Variants in ARSB observed in about 807,000 individuals in gnomAD.
The protein encoded by ARSB is N-acetylgalactosamine-4-sulfatase.
In ARSB, 41 loss-of-function variants were observed where a neutral mutation model predicts 50.9. The ratio of observed to expected loss-of-function variants is 0.81; its 90% CI spans 0.63 to 1.04. ARSB has a LOEUF of 1.04. ARSB is among the 50% of genes least tolerant of loss of function. The probability of loss-of-function intolerance (pLI) is 0.00; values close to 1 mark genes in which losing one functional copy is unlikely to be tolerated. For missense variants in ARSB, 672 were observed against 693.3 expected, an observed-to-expected ratio of 0.97 and a Z score of 0.35; for synonymous variants, 269 against 284.8, an observed-to-expected ratio of 0.94 and a Z score of 0.56.
At chr5:78,787,440 T>G (rs1369668720) in intron 6 of ARSB, among the ~76,000 whole-genome samples, 1 of 152,064 alleles carries the variant, frequency 6.6e-6, no homozygotes, top group South Asian at 2.1e-4. Context: ...GAGGCAGAGG[T>G]TTCTTAGAAT....
intron 3 of ARSB, among the ~76,000 whole-genome samples, chr5:78,960,170 T>A (rs1014423708): frequency 6.6e-6 from 1 of 152,224 alleles, no homozygotes; most frequent in Non-Finnish European, 1.5e-5. Flanking sequence ...AAGTATTACA[T>A]AAAAGCAAGA....
At chr5:78,847,657 T>C (rs1387774534) in intron 5 of ARSB, among the ~76,000 whole-genome samples, 1 of 152,216 alleles carries the variant, frequency 6.6e-6, no homozygotes, top group Non-Finnish European at 1.5e-5. Flanking sequence ...TCTTTAAATG[T>C]TTTGTAGAAT....
intron 6 of ARSB, among the ~76,000 whole-genome samples, chr5:78,825,155 G>A (rs1347972733): frequency 1.3e-5 from 2 of 152,162 alleles, no homozygotes; most frequent in Non-Finnish European, 2.9e-5. Context: ...AAAGCAAGCA[G>A]ATACTGCACA....
At chr5:78,903,581 CT>C (rs1276494416) in intron 4 of ARSB, among the ~76,000 whole-genome samples, 2 of 152,164 alleles carry the variant, frequency 1.3e-5, no homozygotes, top group Non-Finnish European at 2.9e-5. Flanking sequence ...TACTTTTATA[CT>C]GCATTTTTTC....
At chr5:78,942,301 T>TA (rs1293320785) in intron 4 of ARSB, among the ~76,000 whole-genome samples, 2 of 152,236 alleles carry the variant, frequency 1.3e-5, no homozygotes, top group African/African-American at 4.8e-5. Context: ...GCTCTGATCT[T>TA]AGTTATTCCT....
chr5:78,833,869 G>C (rs1387780721), intron 6 of ARSB, among the ~76,000 whole-genome samples: 1 of 152,214 alleles, frequency 6.6e-6, no homozygotes, highest in Non-Finnish European at 1.5e-5. Context: ...CTTAGAAGCT[G>C]AATGAACAGT....
chr5:78,895,573 T>G (rs1748528261), intron 4 of ARSB, among the ~76,000 whole-genome samples: 1 of 152,322 alleles, frequency 6.6e-6, no homozygotes, highest in African/African-American at 2.4e-5. Flanking sequence ...GATAAGCACA[T>G]GAAAACTTTC....
chr5:78,810,723 C>T (rs1743776444), intron 6 of ARSB, among the ~76,000 whole-genome samples: 1 of 152,194 alleles, frequency 6.6e-6, no homozygotes, highest in Non-Finnish European at 1.5e-5. Flanking sequence ...CCACCAAGGA[C>T]TATGTGAGTT....
intron 1 of ARSB, among the ~76,000 whole-genome samples, chr5:78,981,337 T>C (rs1037835214): frequency 1.3e-5 from 2 of 152,220 alleles, no homozygotes; most frequent in African/African-American, 4.8e-5. Flanking sequence ...ACCCAGTCCC[T>C]ACACATATTT....
chr5:78,865,214 C>T (rs1263365668), intron 5 of ARSB, among the ~76,000 whole-genome samples: 2 of 152,206 alleles, frequency 1.3e-5, no homozygotes, highest in Non-Finnish European at 2.9e-5. Flanking sequence ...GCCTGGGCAT[C>T]CAGGCATTTC....
chr5:78,891,845 G>T (rs1173507238), intron 4 of ARSB, among the ~76,000 whole-genome samples: 1 of 147,576 alleles, frequency 6.8e-6, no homozygotes, highest in Non-Finnish European at 1.5e-5. Flanking sequence ...AAACAAAAAG[G>T]TATAGGTCTA....
In ARSB at chr5:78,964,607, C is replaced by T; in HGVS notation, c.500-1G>A. On this transcript the variant is annotated splice_acceptor_variant, in intron 2 of 7. Transcript: ENST00000264914. LOFTEE classifies it high-confidence loss of function. ...TAATCTTCACTACCCAGGAGATATC[C>T]TGCAAGAATGGAAGACGAAAATAGT... The T allele has an allele frequency of 1.9e-6, 3 of 1,612,992 alleles. No homozygotes were observed. Among genetic ancestry groups the T allele is most frequent in the Non-Finnish European group, 2.5e-6 (3 of 1,179,820 alleles).
At chr5:78,870,614 A>G (rs1747095145) in intron 5 of ARSB, among the ~76,000 whole-genome samples, 1 of 151,556 alleles carries the variant, frequency 6.6e-6, no homozygotes. Flanking sequence ...AAATTCAACA[A>G]CACTTCATGT....
intron 4 of ARSB, among the ~76,000 whole-genome samples, chr5:78,905,370 A>AT (rs1465505391): frequency 1.9e-5 from 2 of 105,744 alleles, no homozygotes; most frequent in Admixed American, 2.3e-4. Flanking sequence ...ATAATGAGTA[A>AT]TTTTGGACTG....
At position 78,780,207 on chromosome 5, in the gene ARSB, C is replaced by T. The variant is rs572550609; in HGVS notation, c.*190G>A. On this transcript the variant is annotated 3_prime_UTR_variant, in exon 8 of 8. Transcript: ENST00000264914. Reference sequence around the variant, plus strand: ...ACCTCTAGACACATGCTCCAGCCAACAGCAGGAGTGTTGCAGATTTTATCA... The same window carrying T: ...ACCTCTAGACACATGCTCCAGCCAATAGCAGGAGTGTTGCAGATTTTATCA... 4 of 719,104 alleles carry T rather than the reference C, an allele frequency of 5.6e-6. No individual in the cohort carries two copies. The East Asian group carries it at 8.5e-5, about 15-fold the overall frequency. The allele number at this position is 719,104 out of a possible 1,614,324, so 44.5% of individuals were successfully genotyped here.
At chr5:78,829,735 C>T (rs1266588581) in intron 6 of ARSB, among the ~76,000 whole-genome samples, 41 of 152,170 alleles carry the variant, frequency 2.7e-4, no homozygotes, top group Non-Finnish European at 1.0e-4. Context: ...ACCCTAAAAC[C>T]CCTAAAAATT....
intron 1 of ARSB, among the ~76,000 whole-genome samples, chr5:78,974,380 G>A (rs1752581413): frequency 6.6e-6 from 1 of 152,178 alleles, no homozygotes; most frequent in Non-Finnish European, 1.5e-5. Flanking sequence ...ACCCACAAAG[G>A]GATGTTGTTT....
chr5:78,971,094 T>A lies in ARSB; in HGVS notation c.313-1902A>T, dbSNP rs1383645990. On this transcript the variant is annotated intron_variant, in intron 1 of 7. Coordinates refer to ENST00000264914, the MANE Select transcript of ARSB (RefSeq NM_000046.5). The stretch of plus-strand genomic sequence containing the variant: ...AATCCAGACCTAAGGAATAAAAACT[T>A]CAAAGGCCCTGAGACCTGAGCTTAC... Among the ~76,000 whole-genome samples the A allele has an allele frequency of 3.3e-5, 5 of 152,214 alleles. 1 individual carries two copies. The East Asian group carries it at 9.7e-4, about 29-fold the overall frequency.
chr5:78,824,049 A>G (rs981377801), intron 6 of ARSB, among the ~76,000 whole-genome samples: 3 of 152,148 alleles, frequency 2.0e-5, no homozygotes, highest in Non-Finnish European at 4.4e-5. Flanking sequence ...TCATGTTTTA[A>G]AGAGCTGTTC....
Sources: allele counts gnomAD v4.1 joint callset (sites outside exome capture counted in the v4.1 genomes callset), GRCh38; gene constraint gnomAD v4.1.1; transcripts MANE v1.5; gene names NCBI Gene and HGNC (gene_info 2026-07-23, HGNC 2026-07-21).